The following UBAC2 variants were observed in gnomAD, a reference collection of about 807,000 sequenced individuals.
The protein encoded by UBAC2 is ubiquitin-associated domain-containing protein 2.
In UBAC2, 26 loss-of-function variants were observed where a neutral mutation model predicts 44.0. The observed-to-expected ratio is 0.59, with a 90% CI of 0.43 to 0.82. The LOEUF (loss-of-function observed/expected upper bound fraction) is 0.82. Among genes scored for constraint, UBAC2 ranks in the 40% least tolerant of loss-of-function variants. The pLI, the probability that UBAC2 is intolerant of heterozygous loss-of-function variation, is 0.00. For synonymous variants in UBAC2, 155 were observed against 154.3 expected (o/e 1.00, Z -0.04); for missense variants, 329 against 419.4 (o/e 0.78, Z 1.88).
At position 99,289,822 on chromosome 13, in the gene UBAC2, C is replaced by T. The variant is rs1460424334; in HGVS notation, c.390-24275C>T. 3.3e-5 allele frequency among the ~76,000 whole-genome samples: 5 copies of T among 152,136 alleles called. No individual in the cohort carries two copies. In the South Asian group the frequency reaches 8.3e-4, roughly 25 times the overall value. On this transcript the variant is annotated intron_variant, in intron 4 of 8. Transcript: ENST00000403766. ...GGACCCAGGCTGACAAAGGTGCCAC[C>T]ATCTAGAACATTGCCAAACACTGTG...
chr13:99,254,818 A>G (rs1363385012), intron 4 of UBAC2: 2 of 1,300,988 alleles, frequency 1.5e-6, no homozygotes, highest in South Asian at 1.4e-5. Context: ...ATATCCATTG[A>G]CGCCAGAGTA....
At chr13:99,316,265 C>T (rs931813806) in intron 5 of UBAC2, among the ~76,000 whole-genome samples, 3 of 152,052 alleles carry the variant, frequency 2.0e-5, no homozygotes, top group Admixed American at 2.0e-4. Context: ...TCAACTCCCC[C>T]TGTGCCCACC....
At chr13:99,310,438 T>A (rs1328076617) in intron 4 of UBAC2, among the ~76,000 whole-genome samples, 1 of 152,220 alleles carries the variant, frequency 6.6e-6, no homozygotes, top group African/African-American at 2.4e-5. Flanking sequence ...AGGTAGTTCT[T>A]CACAGTATGA....
At chr13:99,257,187 A>G (rs973647493) in intron 4 of UBAC2, among the ~76,000 whole-genome samples, 2 of 152,144 alleles carry the variant, frequency 1.3e-5, no homozygotes, top group African/African-American at 4.8e-5. Context: ...ATATTTAAAA[A>G]CATATTAAAT....
chr13:99,316,244 A>C (rs2044487650), intron 5 of UBAC2, among the ~76,000 whole-genome samples: 1 of 151,838 alleles, frequency 6.6e-6, no homozygotes, highest in African/African-American at 2.4e-5. Flanking sequence ...GTTCTTCTTG[A>C]CTGTCTGGTG....
rs776181586 is a variant in UBAC2, at chr13:99,254,912, G to A, written c.389+10288G>A. ...TCACTGTTTATATTGCTTAGTGACC[G>A]TAGACTACCAGATCGGAAACTTTTT... On this transcript the variant is annotated intron_variant, in intron 4 of 8. Transcript: ENST00000403766. 8.7e-6 allele frequency: 14 copies of A among 1,613,756 alleles called. No individual in the cohort carries two copies. Among genetic ancestry groups the A allele is most frequent in the African/African-American group, 4.0e-5 (3 of 74,882 alleles).
At chr13:99,354,478 C>T (rs757465904) in intron 7 of UBAC2, among the ~76,000 whole-genome samples, 3 of 152,180 alleles carry the variant, frequency 2.0e-5, no homozygotes, top group Non-Finnish European at 2.9e-5. Flanking sequence ...GTTCACTTGG[C>T]GGCTTGGCTG....
At chr13:99,314,283 TCTTTTTCTCA>T in intron 5 of UBAC2, 63 bp downstream of exon 5, 1 of 1,300,936 alleles carries the variant, frequency 7.7e-7, no homozygotes, top group Non-Finnish European at 1.0e-6. Flanking sequence ...TTTTTTTTGG[TCTTTTTCTCA>T]TTTGATCTCC....
intron 7 of UBAC2, among the ~76,000 whole-genome samples, chr13:99,344,846 G>C (rs755887296): frequency 6.6e-6 from 1 of 152,178 alleles, no homozygotes; most frequent in Non-Finnish European, 1.5e-5. Flanking sequence ...TGGTGGCTTC[G>C]CTGTGGGCAC....
intron 2 of UBAC2, among the ~76,000 whole-genome samples, chr13:99,241,533 A>G (rs1449997834): frequency 6.6e-6 from 1 of 152,186 alleles, no homozygotes; most frequent in Non-Finnish European, 1.5e-5. Context: ...GAGGTATCTA[A>G]TATAAGCAAA....
At chr13:99,264,015 G>A (rs1050902678) in intron 4 of UBAC2, among the ~76,000 whole-genome samples, 2 of 152,176 alleles carry the variant, frequency 1.3e-5, no homozygotes, top group African/African-American at 2.4e-5. Flanking sequence ...GTAATAATAA[G>A]GAAGGGTCCC....
chr13:99,222,142 A>T (rs2043058307), intron 1 of UBAC2, among the ~76,000 whole-genome samples: 1 of 152,194 alleles, frequency 6.6e-6, no homozygotes, highest in Non-Finnish European at 1.5e-5. Flanking sequence ...GACAACTAGG[A>T]CCCTGTCTTC....
At chr13:99,244,679 G>A in intron 4 of UBAC2, 55 bp downstream of exon 4, 2 of 1,055,906 alleles carry the variant, frequency 1.9e-6, no homozygotes, top group Admixed American at 4.2e-5. Flanking sequence ...CTGATTTAAA[G>A]TGTTATTATT....
chr13:99,227,172 C>T (rs1419749286), intron 1 of UBAC2, among the ~76,000 whole-genome samples: 4 of 150,866 alleles, frequency 2.7e-5, no homozygotes, highest in African/African-American at 9.8e-5. Context: ...CACTCCAGCC[C>T]GGACAACAAG....
chr13:99,257,740 T>C (rs2138634380), intron 4 of UBAC2, among the ~76,000 whole-genome samples: 1 of 152,322 alleles, frequency 6.6e-6, no homozygotes, highest in African/African-American at 2.4e-5. Flanking sequence ...TGAAACAATG[T>C]AATTGAAAAC....
At chr13:99,383,925 T>C (rs2045584996) in intron 8 of UBAC2, among the ~76,000 whole-genome samples, 1 of 152,242 alleles carries the variant, frequency 6.6e-6, no homozygotes, top group African/African-American at 2.4e-5. Context: ...ACCTTCTTCC[T>C]CACCTTGCTG....
chr13:99,358,971 C>G (rs2045227758), intron 7 of UBAC2, among the ~76,000 whole-genome samples: 2 of 152,118 alleles, frequency 1.3e-5, no homozygotes, highest in Non-Finnish European at 1.5e-5. Flanking sequence ...TTGGGAGTCT[C>G]TACCCCATGA....
At chr13:99,282,883 A>G (rs533369763) in intron 4 of UBAC2, among the ~76,000 whole-genome samples, 1 of 152,340 alleles carries the variant, frequency 6.6e-6, no homozygotes, top group Admixed American at 6.5e-5. Flanking sequence ...ATTTTTTGGT[A>G]TATGTTATGT....
Position 99,340,374 on chromosome 13 carries a change from A to C in UBAC2, c.616A>C (p.Ile206Leu), listed in dbSNP as rs1179034268. 3 of 1,614,096 alleles carry C rather than the reference A, an allele frequency of 1.9e-6. No individual in the cohort carries two copies. Among genetic ancestry groups the C allele is most frequent in the Admixed American group, 1.7e-5 (1 of 59,998 alleles). ...KMFQVHQVLC[I>L]PSWMAKFFSW... is the part of the protein sequence containing the mutation. ...GTTCCAGGTGCATCAGGTGCTCTGC[A>C]TCCCCAGCTGGATGGCAAAATTCTT... Residue 206 changes from isoleucine to leucine, a missense_variant, in exon 7 of 9, where the codon ATC (isoleucine) becomes CTC (leucine). Coordinates refer to ENST00000403766, the MANE Select transcript of UBAC2 (RefSeq NM_001144072.2).
Sources: gnomAD v4.1 joint callset for allele counts (sites outside exome capture counted in the v4.1 genomes callset) on GRCh38, gnomAD v4.1.1 for gene constraint, MANE v1.5 for transcripts, NCBI Gene and HGNC (gene_info 2026-07-23, HGNC 2026-07-21) for gene names.